The following EPHX2 variants were observed in gnomAD, a reference collection of about 807,000 sequenced individuals.
The protein encoded by EPHX2 is bifunctional epoxide hydrolase 2.
EPHX2 carries 74 observed loss-of-function variants against 78.7 expected under a neutral mutation model. The ratio of observed to expected loss-of-function variants is 0.94; its 90% CI spans 0.78 to 1.14. The LOEUF is 1.14. EPHX2 is among the 50% of genes most tolerant of loss of function. The probability of loss-of-function intolerance (pLI) is 0.00; values close to 1 mark genes in which losing one functional copy is unlikely to be tolerated. For missense variants in EPHX2, 715 were observed against 702.5 expected (o/e 1.02, Z -0.20); for synonymous variants, 251 against 255.2 (o/e 0.98, Z 0.16).
chr8:27,504,982 A>T lies in EPHX2; in HGVS notation c.373A>T (p.Thr125Ser). Residue 125 changes from threonine to serine, a missense_variant, in exon 4 of 19, where the codon ACC (threonine) becomes TCC (serine). Thr to Ser is a moderately conservative substitution (Grantham distance 58, BLOSUM62 1). Coordinates refer to ENST00000521400, the MANE Select transcript of EPHX2 (RefSeq NM_001979.6). ...ATTCACTACTGCCATCCTCACCAAC[A>T]CCTGGCTGGACGACCGTGCTGAGAG... ...KGFTTAILTN[T>S]WLDDRAERDG... 1 of 1,614,034 alleles carries T rather than the reference A, an allele frequency of 6.2e-7. No homozygotes were observed. The highest frequency in any genetic ancestry group is 1.1e-5 in the South Asian group (1 of 91,074).
chr8:27,531,312 C>T (rs1421611426), intron 12 of EPHX2, among the ~76,000 whole-genome samples: 1 of 152,222 alleles, frequency 6.6e-6, no homozygotes, highest in Non-Finnish European at 1.5e-5. Flanking sequence ...CTGGCACCAT[C>T]AGCATGTGGC....
chr8:27,517,210 T>C (rs1391673484), intron 8 of EPHX2, among the ~76,000 whole-genome samples: 1 of 152,226 alleles, frequency 6.6e-6, no homozygotes, highest in African/African-American at 2.4e-5. Context: ...TTGTTCTTTT[T>C]CTTTTTGCTT....
chr8:27,494,534 G>A (rs527423466), intron 1 of EPHX2, among the ~76,000 whole-genome samples: 1 of 152,212 alleles, frequency 6.6e-6, no homozygotes, highest in Non-Finnish European at 1.5e-5. Context: ...ATTTGCAAAG[G>A]TATCAACACA....
chr8:27,536,887 G>C (rs755952382), intron 13 of EPHX2, 32 bp downstream of exon 13: 1 of 1,612,262 alleles, frequency 6.2e-7, no homozygotes, highest in African/African-American at 1.3e-5. Flanking sequence ...AGAAGAACAG[G>C]AGGGGGCAGT....
At chr8:27,529,104 G>C (rs1233737334) in intron 12 of EPHX2, among the ~76,000 whole-genome samples, 1 of 152,054 alleles carries the variant, frequency 6.6e-6, no homozygotes, top group Non-Finnish European at 1.5e-5. Context: ...CCCACTTCTG[G>C]GTCATCTCTG....
chr8:27,547,202 G>A (rs895048520), downstream of EPHX2, among the ~76,000 whole-genome samples: 3 of 152,226 alleles, frequency 2.0e-5, no homozygotes, highest in African/African-American at 7.2e-5. Context: ...ATAAAGGACA[G>A]TGGACTGGAA....
At chr8:27,548,554 C>G (rs1211345579), downstream of EPHX2, among the ~76,000 whole-genome samples, 1 of 152,174 alleles carries the variant, frequency 6.6e-6, no homozygotes, top group Non-Finnish European at 1.5e-5. Context: ...TGAAACCCAA[C>G]CCAGCACTGG....
intron 13 of EPHX2, among the ~76,000 whole-genome samples, chr8:27,537,734 T>G (rs979862892): frequency 1.3e-5 from 2 of 152,230 alleles, no homozygotes; most frequent in Admixed American, 1.3e-4. Flanking sequence ...TCAATTATTT[T>G]AAGTATATTC....
chr8:27,493,557 C>A (rs540506907), intron 1 of EPHX2, among the ~76,000 whole-genome samples: 1 of 152,274 alleles, frequency 6.6e-6, no homozygotes, highest in South Asian at 2.1e-4. Context: ...TAGCAGTGGG[C>A]ATTCCTAGCC....
intron 12 of EPHX2, among the ~76,000 whole-genome samples, chr8:27,530,434 T>G (rs1814997428): frequency 6.6e-6 from 1 of 152,196 alleles, no homozygotes; most frequent in Non-Finnish European, 1.5e-5. Flanking sequence ...TTTTTTGAAA[T>G]ATTTAAAAAC....
intron 2 of EPHX2, among the ~76,000 whole-genome samples, chr8:27,501,324 T>TTTCTTCCTCTTCTTCTTC (rs1378699940): frequency 3.9e-5 from 4 of 102,914 alleles, no homozygotes; most frequent in Admixed American, 2.2e-4. Flanking sequence ...TGCTATATAT[T>TTTCTTCCTCTTCTTCTTC]TTCTTCTTCT....
chr8:27,532,858 A>G (rs111946763), intron 12 of EPHX2, among the ~76,000 whole-genome samples: 4,397 of 152,292 alleles, frequency 0.029, 206 homozygotes, highest in African/African-American at 0.099. Context: ...GCTCACACCT[A>G]TAATTCCAGC....
intron 1 of EPHX2, among the ~76,000 whole-genome samples, chr8:27,495,312 G>A (rs903663719): frequency 6.6e-6 from 1 of 152,222 alleles, no homozygotes; most frequent in African/African-American, 2.4e-5. Flanking sequence ...GCAGGTCCCT[G>A]GGGAAAGAGG....
At chr8:27,535,612 T>C (rs942480019) in intron 12 of EPHX2, among the ~76,000 whole-genome samples, 3 of 152,132 alleles carry the variant, frequency 2.0e-5, no homozygotes, top group African/African-American at 7.2e-5. Flanking sequence ...GAATTAAAAT[T>C]GTCCTCTTAT....
chr8:27,526,460 G>A (rs1814849813), intron 12 of EPHX2, among the ~76,000 whole-genome samples: 1 of 152,190 alleles, frequency 6.6e-6, no homozygotes, highest in Non-Finnish European at 1.5e-5. Context: ...AGCTTCCTTT[G>A]GCCTGAATGA....
intron 5 of EPHX2, among the ~76,000 whole-genome samples, chr8:27,510,104 A>G (rs975247002): frequency 4.6e-5 from 7 of 152,060 alleles, no homozygotes; most frequent in African/African-American, 1.4e-4. Flanking sequence ...AGATGGGAGG[A>G]CTCACCTCCT....
chr8:27,545,576 A>G (rs1329851816), downstream of EPHX2: 1 of 143,128 alleles, frequency 7.0e-6, no homozygotes, highest in Admixed American at 7.2e-5. Flanking sequence ...CTCCAGCAGC[A>G]CACTTGCAGG....
Position 27,536,830 on chromosome 8 carries a change from A to G in EPHX2, c.1217A>G (p.Lys406Arg). The G allele has an allele frequency of 2.5e-6, 4 of 1,613,968 alleles. No individual in the cohort carries two copies. The highest frequency in any genetic ancestry group is 2.5e-6 in the Non-Finnish European group (3 of 1,179,972). ...ELEQNLSRTF[K>R]SLFRASDESV... ...GAACAGAACCTGAGTCGGACTTTCA[A>G]AAGCCTCTTCAGAGCAAGCGATGAG... Residue 406 changes from lysine to arginine, a missense_variant, in exon 13 of 19, where the codon AAA (lysine) becomes AGA (arginine). Physicochemically the swap from Lys to Arg is conservative, Grantham distance 26 (BLOSUM62 2). Coordinates refer to ENST00000521400, the MANE Select transcript of EPHX2 (RefSeq NM_001979.6).
chr8:27,512,114 A>G lies in EPHX2; in HGVS notation c.735+204A>G, dbSNP rs555993041. 2,800 of 533,208 alleles carry G rather than the reference A, an allele frequency of 5.3e-3. 22 individuals carry two copies. The highest frequency in any genetic ancestry group is 7.9e-3 in the Middle Eastern group (16 of 2,024). 33.0% of individuals were successfully genotyped at this position (533,208 alleles called of 1,614,324 possible). On this transcript the variant is annotated intron_variant, in intron 6 of 18. Coordinates refer to ENST00000521400, the MANE Select transcript of EPHX2 (RefSeq NM_001979.6). ...CCCTGTCTCAAGAAAAAAAAAAAAA[A>G]AAAAGGACCAGCAGTGACATTTGTT...
Sources: gnomAD v4.1 joint callset for allele counts (sites outside exome capture counted in the v4.1 genomes callset) on GRCh38, gnomAD v4.1.1 for gene constraint, MANE v1.5 for transcripts, NCBI Gene and HGNC (gene_info 2026-07-23, HGNC 2026-07-21) for gene names.